PACS2: variants seen among roughly 807,000 people sequenced by gnomAD.
PACS2 encodes PACS1-like protein.
A neutral mutation model predicts 113.0 loss-of-function variants in PACS2; 36 were observed. The observed-to-expected ratio is 0.32, with a 90% CI of 0.24 to 0.42. The LOEUF is 0.42. Among genes scored for constraint, PACS2 ranks in the 10% least tolerant of loss-of-function variants. PACS2 has a pLI of 1.00. For missense variants in PACS2, 1,015 were observed against 1,239.5 expected (o/e 0.82, Z 2.72); for synonymous variants, 589 against 536.1 (o/e 1.10, Z -1.36).
chr14:105,302,225 CG>C (rs1196871668), intron 1 of PACS2, among the ~76,000 whole-genome samples: 1 of 137,428 alleles, frequency 7.3e-6, no homozygotes, highest in Non-Finnish European at 1.5e-5. Context: ...TTTTTTGAGA[CG>C]GAGTCTCTGC....
intron 3 of PACS2, among the ~76,000 whole-genome samples, chr14:105,352,963 G>A (rs1177089952): frequency 2.3e-5 from 3 of 128,770 alleles, no homozygotes; most frequent in South Asian, 2.5e-4. Flanking sequence ...CTGGGGAGAC[G>A]GGCACCCCTC....
At chr14:105,382,436 G>T (rs782580941) in intron 13 of PACS2, 41 bp from the exon 14 acceptor site, 1 of 1,209,142 alleles carries the variant, frequency 8.3e-7, no homozygotes, top group East Asian at 2.3e-5. Flanking sequence ...GATGGGCGCT[G>T]TGCTTCTCTT....
chr14:105,348,471 T>C lies in PACS2; in HGVS notation c.120-22T>C. The C allele has an allele frequency of 6.3e-7, 1 of 1,583,052 alleles. No homozygotes were observed. The highest frequency in any genetic ancestry group is 8.7e-7 in the Non-Finnish European group (1 of 1,154,178). Reference sequence around the variant, plus strand: ...TGAGGAGAGGGCGGAGCCCCGAGGCTGAGCTGTGCCTTGCCTCACAGGTTG... The same window carrying C: ...TGAGGAGAGGGCGGAGCCCCGAGGCCGAGCTGTGCCTTGCCTCACAGGTTG... On this transcript the variant is annotated intron_variant, in intron 1 of 24. Transcript: ENST00000447393. The surrounding 1 kb of genome is among the most constrained non-coding windows in gnomAD (Gnocchi z 6.4).
intron 7 of PACS2, among the ~76,000 whole-genome samples, chr14:105,369,191 C>G (rs587744985): frequency 5.9e-5 from 9 of 152,370 alleles, no homozygotes; most frequent in Middle Eastern, 3.4e-3. Flanking sequence ...TGTGGGCAGA[C>G]GGTGCCAGGG....
At position 105,380,091 on chromosome 14, in the gene PACS2, C is replaced by T. The variant is rs148641035; in HGVS notation, c.1062C>T (p.Pro354=). The change falls in exon 11 of 25, where the codon CCC becomes CCT. Residue 354 remains proline, a synonymous_variant. Transcript: ENST00000447393. The part of the protein sequence containing the change: ...HKEPPSPADV[P]EKTRSLGGRQ... ...CTCCTCCCCCACAGGCTGACGTGCC[C>T]GAGAAGACGCGGTCCCTGGGAGGCA... 24 of 1,552,638 alleles carry T rather than the reference C, an allele frequency of 1.5e-5. No homozygotes were observed. Among genetic ancestry groups the T allele is most frequent in the Middle Eastern group, 1.7e-4 (1 of 6,014 alleles).
At chr14:105,311,206 G>A (rs1344455535), upstream of PACS2, among the ~76,000 whole-genome samples, 5 of 151,962 alleles carry the variant, frequency 3.3e-5, no homozygotes, top group East Asian at 1.9e-4. Flanking sequence ...CACCCACTTC[G>A]GCCTCCCAAA....
rs186873357 is a variant in PACS2 at position 105,351,443 on chromosome 14, A to G, written c.208-935A>G. On this transcript the variant is annotated intron_variant, in intron 2 of 24. Transcript: ENST00000447393. ...TTCCTGCACCTACATCTAGGCTTCT[A>G]CTACCCTCATTTTTGTGACAGCATC... Among the ~76,000 whole-genome samples the G allele has an allele frequency of 5.3e-5, 8 of 152,250 alleles. No individual in the cohort carries two copies. The East Asian group carries it at 1.5e-3, about 29-fold the overall frequency.
rs977306478 is a variant in PACS2, at chr14:105,356,949, C to G, written c.423+1772C>G. 1.4e-5 allele frequency among the ~76,000 whole-genome samples: 2 copies of G among 146,776 alleles called. No individual in the cohort carries two copies. Among genetic ancestry groups the G allele is most frequent in the African/African-American group, 5.1e-5 (2 of 38,990 alleles). ...CAGGCGATGTCCTGCTGATCCCTGC[C>G]GGTCCCTGTGTTTCCCATTAGCCAT... On this transcript the variant is annotated intron_variant, in intron 4 of 24. Coordinates refer to ENST00000447393, the MANE Select transcript of PACS2 (RefSeq NM_001100913.3). This position sits in a 1 kb window ranked among gnomAD's most constrained non-coding sequence, Gnocchi z 4.0.
chr14:105,375,620 C>T (rs1264999702), intron 8 of PACS2, among the ~76,000 whole-genome samples: 1 of 152,168 alleles, frequency 6.6e-6, no homozygotes, highest in East Asian at 1.9e-4. Context: ...CAATGAGACA[C>T]TACTTGATCC....
chr14:105,370,374 A>G (rs1181052721), intron 8 of PACS2: 1 of 140,078 alleles, frequency 7.1e-6, no homozygotes, highest in African/African-American at 2.8e-5. Flanking sequence ...GCTTTTCTCT[A>G]ATCTCTGAAT....
In PACS2 at chr14:105,354,367, G is replaced by A. The variant is rs1416454581; in HGVS notation, c.298-685G>A. 6.6e-6 allele frequency among the ~76,000 whole-genome samples: 1 copy of A among 151,930 alleles called. No homozygotes were observed. The highest frequency in any genetic ancestry group is 1.5e-5 in the Non-Finnish European group (1 of 68,030). ...TCCGCCCAGCTTGGCCTCCCAAAGTGCCGGGATTACAGGTGTGAGCCACCG... is the reference window on the plus strand; with the variant it reads ...TCCGCCCAGCTTGGCCTCCCAAAGTACCGGGATTACAGGTGTGAGCCACCG... On this transcript the variant is annotated intron_variant, in intron 3 of 24. Coordinates refer to ENST00000447393, the MANE Select transcript of PACS2 (RefSeq NM_001100913.3). This position sits in a 1 kb window ranked among gnomAD's most constrained non-coding sequence, Gnocchi z 4.2.
Position 105,382,925 on chromosome 14 carries a change from TC to T in PACS2, c.1625+14del. 2 of 1,518,394 alleles carry T rather than the reference TC, an allele frequency of 1.3e-6. No homozygotes were observed. The highest frequency in any genetic ancestry group is 1.8e-6 in the Non-Finnish European group (2 of 1,101,564). 94.1% of individuals were successfully genotyped at this position (1,518,394 alleles called of 1,614,324 possible). On this transcript the variant is annotated intron_variant, in intron 15 of 24. Coordinates refer to ENST00000447393, the MANE Select transcript of PACS2 (RefSeq NM_001100913.3). ...CGGATACAGAGATAGTGAGTTGGGCTCCACCCTGTACTCACCACCCAAGTAC... is the reference window on the plus strand; with the variant it reads ...CGGATACAGAGATAGTGAGTTGGGCTCACCCTGTACTCACCACCCAAGTAC...
chr14:105,370,072 C>T lies in PACS2; in HGVS notation c.801+172C>T, dbSNP rs142702872. 137 of 592,880 alleles carry T rather than the reference C, an allele frequency of 2.3e-4. 2 individuals carry two copies. In the East Asian group the frequency reaches 3.1e-3, roughly 14 times the overall value. 36.7% of individuals were successfully genotyped at this position (592,880 alleles called of 1,614,324 possible). ...GCGCAGTGACAGTGGCACTGCCTCC[C>T]GGGCTCCAGGTCACCCGCTGGGTCT... is the stretch of plus-strand genomic sequence containing the variant. On this transcript the variant is annotated intron_variant, in intron 8 of 24. Transcript: ENST00000447393.
chr14:105,314,211 C>G (rs1179714654), upstream of PACS2, among the ~76,000 whole-genome samples: 3 of 150,126 alleles, frequency 2.0e-5, no homozygotes, highest in African/African-American at 7.4e-5. Flanking sequence ...CGGGGACGGG[C>G]GGGGCCCGCA....
At position 105,330,789 on chromosome 14, in the gene PACS2, C is replaced by T. The variant is rs1432585196; in HGVS notation, c.119+15752C>T. 6.6e-6 allele frequency among the ~76,000 whole-genome samples: 1 copy of T among 152,248 alleles called. No homozygotes were observed. Among genetic ancestry groups the T allele is most frequent in the African/African-American group, 2.4e-5 (1 of 41,466 alleles). On this transcript the variant is annotated intron_variant, in intron 1 of 24. Transcript: ENST00000447393. The surrounding 1 kb of genome is among the most constrained non-coding windows in gnomAD (Gnocchi z 6.9). ...GTGCCCTGTGGTCAGTCATTTCTGT[C>T]CTCGCCTTTACCTCAAATCCTGCTT...
At chr14:105,380,259 G>A in intron 11 of PACS2, 105 bp downstream of exon 11, 1 of 911,046 alleles carries the variant, frequency 1.1e-6, no homozygotes, top group Non-Finnish European at 1.7e-6. Flanking sequence ...AGGTCCTCAT[G>A]TCACACCTGG....
intron 1 of PACS2, among the ~76,000 whole-genome samples, chr14:105,304,381 G>A (rs368246909): frequency 5.3e-5 from 8 of 152,220 alleles, no homozygotes; most frequent in African/African-American, 1.2e-4. Context: ...CCAGCTACTC[G>A]GGAGGCTGAG....
chr14:105,327,332 G>A (rs974433098), intron 1 of PACS2, among the ~76,000 whole-genome samples: 2 of 152,216 alleles, frequency 1.3e-5, no homozygotes, highest in African/African-American at 4.8e-5. Flanking sequence ...AGTGCCTGCC[G>A]CTACTGCCTG....
Position 105,382,882 on chromosome 14 carries a change from T to G in PACS2, c.1594T>G (p.Phe532Val). 1 of 1,605,808 alleles carries G rather than the reference T, an allele frequency of 6.2e-7. No homozygotes were observed. The highest frequency in any genetic ancestry group is 8.5e-7 in the Non-Finnish European group (1 of 1,177,968). Residue 532 changes from phenylalanine (F) to valine (V), a missense_variant, in exon 15 of 25, where the codon TTC becomes GTC. Coordinates refer to ENST00000447393, the MANE Select transcript of PACS2 (RefSeq NM_001100913.3). ...CTCTCCTGCGGACGTCCAGGCGGCC[T>G]TCAGCACCATCGTCTCACGGATACA... ...TCSPADVQAA[F>V]STIVSRIQRY...
Sources: gnomAD v4.1 joint callset for allele counts (sites outside exome capture counted in the v4.1 genomes callset) on GRCh38, gnomAD v4.1.1 for gene constraint, Gnocchi (gnomAD v3.1) non-coding constraint, MANE v1.5 for transcripts, NCBI Gene and HGNC (gene_info 2026-07-23, HGNC 2026-07-21) for gene names.